The following CIT variants were observed in gnomAD, a reference collection of about 807,000 sequenced individuals.
CIT encodes citron rho-interacting serine/threonine kinase, also known as citron Rho-interacting kinase.
CIT carries 79 observed loss-of-function variants against 272.7 expected under a neutral mutation model. That is an observed-to-expected ratio of 0.29 (90% CI 0.24 to 0.35). The LOEUF (loss-of-function observed/expected upper bound fraction) is 0.35, where lower values mean the gene tolerates loss of function less well. CIT is among the 10% of genes least tolerant of loss of function. CIT has a pLI of 1.00. For missense variants in CIT, 1,909 were observed against 2,618.3 expected (o/e 0.73, Z 5.91); for synonymous variants, 948 against 995.6 (o/e 0.95, Z 0.90).
chr12:119,828,705 G>A (rs1234591013), intron 7 of CIT, among the ~76,000 whole-genome samples: 1 of 151,898 alleles, frequency 6.6e-6, no homozygotes, highest in African/African-American at 2.4e-5. Context: ...TGGGACTACA[G>A]GTGCGCACCA....
chr12:119,759,901 G>A (rs115549825), intron 20 of CIT, among the ~76,000 whole-genome samples: 8,019 of 152,076 alleles, frequency 0.053, 310 homozygotes, highest in African/African-American at 0.11. Context: ...AGATCCTGAT[G>A]TGGGGTCGGG....
At position 119,718,124 on chromosome 12, in the gene CIT, G is replaced by T; in HGVS notation, c.4168+121C>A. ...CAAAGTGCTGGGGTTACAGGTGTGA[G>T]CCACCGTGCCTGGCCAAGACTGACT... On this transcript the variant is annotated intron_variant, in intron 32 of 47. Coordinates refer to ENST00000392521, the MANE Select transcript of CIT (RefSeq NM_001206999.2). The surrounding 1 kb of genome is among the most constrained non-coding windows in gnomAD (Gnocchi z 4.8). 8.5e-7 allele frequency: 1 copy of T among 1,177,256 alleles called. No individual in the cohort carries two copies. Among genetic ancestry groups the T allele is most frequent in the Non-Finnish European group, 1.2e-6 (1 of 859,966 alleles). 72.9% of individuals were successfully genotyped at this position (1,177,256 alleles called of 1,614,324 possible).
At chr12:119,721,963 C>T (rs1345891625) in intron 28 of CIT, among the ~76,000 whole-genome samples, 3 of 152,092 alleles carry the variant, frequency 2.0e-5, no homozygotes, top group African/African-American at 7.2e-5. Context: ...GTAAGAGACC[C>T]CAACAAGTAC....
At chr12:119,730,708 T>C (rs1455329987) in intron 26 of CIT, 78 bp from the exon 27 acceptor site, 1 of 1,501,286 alleles carries the variant, frequency 6.7e-7, no homozygotes, top group Non-Finnish European at 9.0e-7. Context: ...CCGTCTCTAA[T>C]CCTGACGAGC....
chr12:119,827,857 C>A (rs966185373), intron 7 of CIT, among the ~76,000 whole-genome samples: 1 of 152,154 alleles, frequency 6.6e-6, no homozygotes, highest in Non-Finnish European at 1.5e-5. Flanking sequence ...GTCTAATTAC[C>A]TTGCAGGACC....
rs148671144 is a variant in CIT at position 119,776,380 on chromosome 12, C to T, written c.1865G>A (p.Gly622Glu). 2.5e-6 allele frequency: 4 copies of T among 1,613,650 alleles called. No homozygotes were observed. The highest frequency in any genetic ancestry group is 1.3e-5 in the African/African-American group (1 of 74,922). The change falls in exon 15 of 48, where the codon GGA becomes GAA. Residue 622 changes from glycine to glutamate, a missense_variant. Gly to Glu is a moderately conservative substitution (Grantham distance 98). Transcript: ENST00000392521. ...KAKDQGKPEV[G>E]EYAKLEKINA... Reference sequence around the variant, plus strand: ...TACCTTCTCCAGTTTCGCATATTCTCCCACTTCAGGCTTCCCTTGATCCTT... The same window carrying T: ...TACCTTCTCCAGTTTCGCATATTCTTCCACTTCAGGCTTCCCTTGATCCTT...
At chr12:119,708,108 A>G (rs1956971000) in intron 40 of CIT, 71 bp downstream of exon 40, 2 of 1,399,108 alleles carry the variant, frequency 1.4e-6, no homozygotes, top group African/African-American at 1.5e-5. Context: ...CAAATCAACG[A>G]GCTCTGTGGG....
At chr12:119,810,267 T>C (rs1303643095) in intron 9 of CIT, among the ~76,000 whole-genome samples, 1 of 152,150 alleles carries the variant, frequency 6.6e-6, no homozygotes, top group East Asian at 1.9e-4. Context: ...GGACGCCTAG[T>C]GGTGTCCACT....
chr12:119,772,728 G>T, intron 17 of CIT, 42 bp downstream of exon 17: 1 of 1,567,896 alleles, frequency 6.4e-7, no homozygotes, highest in Non-Finnish European at 8.6e-7. Context: ...CACAGCCAAA[G>T]GCCGAGGCCG....
At chr12:119,806,327 C>G (rs1966604578) in intron 9 of CIT, among the ~76,000 whole-genome samples, 1 of 151,994 alleles carries the variant, frequency 6.6e-6, no homozygotes, top group South Asian at 2.1e-4. Flanking sequence ...GAGGAAAAAG[C>G]CACAGCCTTA....
At chr12:119,711,926 G>C (rs182337837) in intron 37 of CIT, among the ~76,000 whole-genome samples, 4 of 152,172 alleles carry the variant, frequency 2.6e-5, no homozygotes, top group African/African-American at 9.6e-5. Context: ...TGGGTCACTG[G>C]GACCACAGGC....
intron 8 of CIT, among the ~76,000 whole-genome samples, chr12:119,824,001 T>G (rs1275044143): frequency 4.1e-5 from 5 of 121,532 alleles, no homozygotes; most frequent in Non-Finnish European, 1.6e-5. Flanking sequence ...ATTGTGCCAC[T>G]GCACTCCAGC....
chr12:119,784,203 C>T lies in CIT; in HGVS notation c.1402-152G>A. The T allele has an allele frequency of 6.2e-7, 1 of 1,605,272 alleles. No homozygotes were observed. The highest frequency in any genetic ancestry group is 1.3e-5 in the African/African-American group (1 of 74,854). On this transcript the variant is annotated intron_variant, in intron 11 of 47. Transcript: ENST00000392521. This position sits in a 1 kb window ranked among gnomAD's most constrained non-coding sequence, Gnocchi z 4.7. ...GATGGAAATACCATTGTTTCTTCGC[C>T]CAGGAGCGCACAGTTCTTCGTTAAG...
intron 6 of CIT, among the ~76,000 whole-genome samples, chr12:119,833,560 G>C (rs113712182): frequency 0.053 from 8,067 of 151,458 alleles, 674 homozygotes; most frequent in African/African-American, 0.19. Context: ...AGCTACTTGG[G>C]AGGCTGAGGC....
intron 20 of CIT, among the ~76,000 whole-genome samples, chr12:119,759,026 T>G (rs945604407): frequency 6.6e-6 from 1 of 152,162 alleles, no homozygotes; most frequent in Non-Finnish European, 1.5e-5. Context: ...GGCCTGCAAG[T>G]CTCTTAACTC....
At chr12:119,806,279 G>A (rs1238131314) in intron 9 of CIT, among the ~76,000 whole-genome samples, 2 of 151,970 alleles carry the variant, frequency 1.3e-5, no homozygotes, top group African/African-American at 4.8e-5. Context: ...CAACAGGAAA[G>A]TTTGAAAAGA....
At position 119,739,724 on chromosome 12, in the gene CIT, C is replaced by T. The variant is rs1052870605; in HGVS notation, c.2958+2687G>A. Among the ~76,000 whole-genome samples the T allele has an allele frequency of 3.3e-5, 5 of 152,236 alleles. No individual in the cohort carries two copies. In the South Asian group the frequency reaches 6.2e-4, roughly 19 times the overall value. On this transcript the variant is annotated intron_variant, in intron 24 of 47. Coordinates refer to ENST00000392521, the MANE Select transcript of CIT (RefSeq NM_001206999.2). ...TTCTATGGATCAGGCCCTGTGCAAG[C>T]AGTTTGCACGTATCTCATTTAATTC...
At chr12:119,846,080 C>A (rs1217939342) in intron 5 of CIT, among the ~76,000 whole-genome samples, 2 of 152,054 alleles carry the variant, frequency 1.3e-5, no homozygotes, top group Non-Finnish European at 2.9e-5. Context: ...CCAGATAGTA[C>A]CCTCCTGAAG....
At chr12:119,709,762 A>G (rs78496826) in intron 39 of CIT, among the ~76,000 whole-genome samples, 11,596 of 120,274 alleles carry the variant, frequency 0.096, 1,776 homozygotes, top group African/African-American at 0.33. Context: ...TGGTTCAGGA[A>G]AGAGAGAGAG....
Sources: allele counts gnomAD v4.1 joint callset (sites outside exome capture counted in the v4.1 genomes callset), GRCh38; gene constraint gnomAD v4.1.1; non-coding constraint Gnocchi (gnomAD v3.1); transcripts MANE v1.5; gene names NCBI Gene and HGNC (gene_info 2026-07-23, HGNC 2026-07-21).